The following ADAMTSL1 variants were observed in gnomAD, a reference collection of about 807,000 sequenced individuals.
The protein encoded by ADAMTSL1 is ADAMTS like 1.
ADAMTSL1 carries 126 observed loss-of-function variants against 201.8 expected under a neutral mutation model. That is an observed-to-expected ratio of 0.62 (90% CI 0.54 to 0.72). The LOEUF (loss-of-function observed/expected upper bound fraction) is 0.72. Ranked by LOEUF, ADAMTSL1 falls within the 30% of genes least tolerant of loss-of-function variation. The pLI is 0.00. For missense variants in ADAMTSL1, 2,679 were observed against 2,277.8 expected, an observed-to-expected ratio of 1.18 and a Z score of -3.59; for synonymous variants, 1,121 against 903.4, an observed-to-expected ratio of 1.24 and a Z score of -4.32.
rs1944749 is a variant in ADAMTSL1 at position 18,096,818 on chromosome 9, T to C, written c.88-67044T>C. On this transcript the variant is annotated intron_variant, in intron 1 of 29. Transcript: ENST00000680146. ...CATTTCCTCTTCCACAAATAACCAT[T>C]GATAAGATTTCTGCCACTATAGATT... Among the ~76,000 whole-genome samples, 238 of 152,294 alleles carry C rather than the reference T, an allele frequency of 1.6e-3. 8 individuals carry two copies. The South Asian group carries it at 0.049, about 31-fold the overall frequency.
At chr9:18,235,041 A>G (rs1449244432) in intron 2 of ADAMTSL1, among the ~76,000 whole-genome samples, 2 of 152,200 alleles carry the variant, frequency 1.3e-5, no homozygotes, top group East Asian at 1.9e-4. Context: ...GTGTTGTTTT[A>G]TTGCTGTTAA....
intron 13 of ADAMTSL1, 82 bp from the exon 14 acceptor site, chr9:18,706,665 G>C: frequency 7.1e-7 from 1 of 1,400,210 alleles, no homozygotes; most frequent in Non-Finnish European, 9.6e-7. Flanking sequence ...CTGGAGGCAG[G>C]TGGGATGCAG....
At chr9:17,949,191 A>T (rs1242420865) in intron 1 of ADAMTSL1, among the ~76,000 whole-genome samples, 1 of 152,216 alleles carries the variant, frequency 6.6e-6, no homozygotes, top group Non-Finnish European at 1.5e-5. Context: ...AGATAATTAC[A>T]TAAGAGGTTA....
chr9:18,608,875 C>T (rs1055775495), intron 4 of ADAMTSL1, among the ~76,000 whole-genome samples: 1 of 151,870 alleles, frequency 6.6e-6, no homozygotes, highest in Non-Finnish European at 1.5e-5. Context: ...TTAAAAAGAT[C>T]GTAACTGATT....
At chr9:18,373,531 A>G (rs1837146430) in intron 2 of ADAMTSL1, among the ~76,000 whole-genome samples, 1 of 152,036 alleles carries the variant, frequency 6.6e-6, no homozygotes, top group African/African-American at 2.4e-5. Flanking sequence ...GTTAGGAGTC[A>G]TAAATTTGCA....
chr9:17,933,915 A>G (rs1000444962), intron 1 of ADAMTSL1, among the ~76,000 whole-genome samples: 9 of 152,126 alleles, frequency 5.9e-5, no homozygotes, highest in Non-Finnish European at 7.4e-5. Flanking sequence ...CTCAACCTCA[A>G]AGATACTTGT....
intron 20 of ADAMTSL1, among the ~76,000 whole-genome samples, chr9:18,804,086 T>C (rs2131100732): frequency 6.6e-6 from 1 of 152,300 alleles, no homozygotes; most frequent in Admixed American, 6.5e-5. Flanking sequence ...AAATAGCTGC[T>C]CTCTTGGGTC....
At chr9:18,663,050 A>G (rs1318399780) in intron 9 of ADAMTSL1, among the ~76,000 whole-genome samples, 1 of 152,212 alleles carries the variant, frequency 6.6e-6, no homozygotes, top group Non-Finnish European at 1.5e-5. Context: ...AGAAAGCTTC[A>G]TCTCATTAAA....
intron 23 of ADAMTSL1, among the ~76,000 whole-genome samples, chr9:18,841,696 T>C (rs1825727122): frequency 6.6e-6 from 1 of 152,224 alleles, no homozygotes; most frequent in African/African-American, 2.4e-5. Flanking sequence ...AAGCTATTGA[T>C]TATTGTCACA....
intron 15 of ADAMTSL1, among the ~76,000 whole-genome samples, chr9:18,736,120 T>C (rs1188976197): frequency 6.7e-6 from 1 of 149,864 alleles, no homozygotes; most frequent in Non-Finnish European, 1.5e-5. Context: ...AACTAGACTA[T>C]TTATCAATGT....
At chr9:18,828,776 T>G (rs1824789057) in intron 22 of ADAMTSL1, among the ~76,000 whole-genome samples, 1 of 149,352 alleles carries the variant, frequency 6.7e-6, no homozygotes, top group Non-Finnish European at 1.5e-5. Context: ...CTCTATACAA[T>G]GGTCTTTGTC....
At chr9:18,586,998 T>C (rs889031136) in intron 4 of ADAMTSL1, among the ~76,000 whole-genome samples, 2 of 151,634 alleles carry the variant, frequency 1.3e-5, no homozygotes, top group African/African-American at 2.4e-5. Flanking sequence ...AAAAAAACTG[T>C]GGAAGACAAC....
intron 1 of ADAMTSL1, among the ~76,000 whole-genome samples, chr9:18,158,792 C>T (rs1353755361): frequency 3.3e-5 from 5 of 151,968 alleles, no homozygotes; most frequent in Admixed American, 3.3e-4. Flanking sequence ...GTTAATTATA[C>T]TTTCACACTG....
chr9:18,906,419 G>A (rs74811998), intron 27 of ADAMTSL1, among the ~76,000 whole-genome samples: 5,273 of 152,230 alleles, frequency 0.035, 152 homozygotes, highest in South Asian at 0.13. Context: ...AGGCTCTGCC[G>A]GTGTCCACAT....
intron 1 of ADAMTSL1, among the ~76,000 whole-genome samples, chr9:17,998,076 C>G (rs932886757): frequency 6.6e-6 from 1 of 152,006 alleles, no homozygotes; most frequent in Non-Finnish European, 1.5e-5. Context: ...AATTGGACTA[C>G]TTAGGCATCT....
rs1351049537 is a variant in ADAMTSL1 at position 18,261,230 on chromosome 9, G to C, written c.207+97249G>C. Among the ~76,000 whole-genome samples, 3 of 151,994 alleles carry C rather than the reference G, an allele frequency of 2.0e-5. No individual in the cohort carries two copies. The South Asian group carries it at 6.2e-4, about 32-fold the overall frequency. ...ATCATCCCTGATCTTGTATTTCTTTGGGAAAATAGACTTGTGGTTGCTTGA... is the reference window on the plus strand; with the variant it reads ...ATCATCCCTGATCTTGTATTTCTTTCGGAAAATAGACTTGTGGTTGCTTGA... On this transcript the variant is annotated intron_variant, in intron 2 of 29. Transcript: ENST00000680146.
At chr9:17,974,944 A>AT (rs1381766772) in intron 1 of ADAMTSL1, among the ~76,000 whole-genome samples, 11 of 151,820 alleles carry the variant, frequency 7.2e-5, no homozygotes, top group African/African-American at 2.7e-4. Context: ...ATCCTCATAC[A>AT]TTTTTTCTTA....
At chr9:18,190,679 A>C (rs2132229325) in intron 2 of ADAMTSL1, among the ~76,000 whole-genome samples, 1 of 152,312 alleles carries the variant, frequency 6.6e-6, no homozygotes, top group South Asian at 2.1e-4. Flanking sequence ...TTGAAATGTG[A>C]CTAAAAATTT....
At chr9:18,426,218 G>A (rs976091377) in intron 2 of ADAMTSL1, among the ~76,000 whole-genome samples, 1 of 152,032 alleles carries the variant, frequency 6.6e-6, no homozygotes, top group Non-Finnish European at 1.5e-5. Flanking sequence ...CCTGCCTAGG[G>A]CCCAGTCCAC....
Sources: gnomAD v4.1 joint callset for allele counts (sites outside exome capture counted in the v4.1 genomes callset) on GRCh38, gnomAD v4.1.1 for gene constraint, MANE v1.5 for transcripts, NCBI Gene and HGNC (gene_info 2026-07-23, HGNC 2026-07-21) for gene names.